The following RUNDC3B variants were observed in gnomAD, a reference collection of about 807,000 sequenced individuals.
RUNDC3B encodes RUN domain-containing protein 3B.
In RUNDC3B, 33 loss-of-function variants were observed where a neutral mutation model predicts 58.4. That is an observed-to-expected ratio of 0.56 (90% confidence interval 0.43 to 0.75). RUNDC3B has a LOEUF of 0.75. Ranked by LOEUF, RUNDC3B falls within the 30% of genes least tolerant of loss-of-function variation. The pLI is 0.00. For synonymous variants in RUNDC3B, 193 were observed against 195.2 expected, an observed-to-expected ratio of 0.99 and a Z score of 0.10; for missense variants, 501 against 535.7, an observed-to-expected ratio of 0.94 and a Z score of 0.64.
chr7:87,819,163 G>C (rs1240419744), intron 10 of RUNDC3B, among the ~76,000 whole-genome samples: 1 of 152,188 alleles, frequency 6.6e-6, no homozygotes. Flanking sequence ...TGATCAGCTA[G>C]TCCGACTGAT....
chr7:87,726,007 G>C (rs1367698568), intron 4 of RUNDC3B, among the ~76,000 whole-genome samples: 2 of 152,122 alleles, frequency 1.3e-5, no homozygotes, highest in African/African-American at 4.8e-5. Context: ...TGTCAGATGA[G>C]TAGATTGCAA....
At chr7:87,792,661 T>C (rs1214334324) in intron 8 of RUNDC3B, among the ~76,000 whole-genome samples, 1 of 151,952 alleles carries the variant, frequency 6.6e-6, no homozygotes, top group Non-Finnish European at 1.5e-5. Context: ...TTGAAACAAA[T>C]GTTAATGGAA....
intron 4 of RUNDC3B, among the ~76,000 whole-genome samples, chr7:87,731,252 G>T (rs189977532): frequency 6.6e-6 from 1 of 152,168 alleles, no homozygotes; most frequent in East Asian, 1.9e-4. Context: ...AGATGTCAGT[G>T]ACCAATTCCA....
At chr7:87,740,145 C>T (rs78364330) in intron 5 of RUNDC3B, among the ~76,000 whole-genome samples, 2,664 of 152,118 alleles carry the variant, frequency 0.018, 61 homozygotes, top group African/African-American at 0.06. Flanking sequence ...TCCCCAACAG[C>T]CCCCTCCCTA....
intron 7 of RUNDC3B, among the ~76,000 whole-genome samples, chr7:87,775,247 T>C (rs1020894745): frequency 6.6e-6 from 1 of 152,194 alleles, no homozygotes; most frequent in Non-Finnish European, 1.5e-5. Flanking sequence ...CCCTGTGTTG[T>C]AGGCCTAGGC....
intron 5 of RUNDC3B, among the ~76,000 whole-genome samples, chr7:87,740,096 T>C (rs983612623): frequency 1.3e-5 from 2 of 152,162 alleles, no homozygotes; most frequent in Admixed American, 6.5e-5. Flanking sequence ...AGGCTTGCTC[T>C]GTAGCTTGGA....
At chr7:87,677,586 C>T (rs1488993016) in intron 2 of RUNDC3B, among the ~76,000 whole-genome samples, 1 of 152,070 alleles carries the variant, frequency 6.6e-6, no homozygotes, top group Non-Finnish European at 1.5e-5. Context: ...TGATTAAGTG[C>T]TGGAGACCTA....
At chr7:87,811,770 G>A (rs902839246) in intron 9 of RUNDC3B, among the ~76,000 whole-genome samples, 2 of 152,100 alleles carry the variant, frequency 1.3e-5, no homozygotes, top group Non-Finnish European at 2.9e-5. Context: ...CTTGTAAACT[G>A]GGCATTGACA....
intron 2 of RUNDC3B, among the ~76,000 whole-genome samples, chr7:87,693,360 G>GT (rs397890485): frequency 6.6e-6 from 1 of 152,088 alleles, no homozygotes; most frequent in Non-Finnish European, 1.5e-5. Context: ...AAACATAAAA[G>GT]TTTTAACAAT....
rs746742284 is a variant in RUNDC3B at position 87,809,602 on chromosome 7, T to C, written c.1103+2083T>C. The stretch of plus-strand genomic sequence containing the variant: ...AATATTTATACTCTATAAAGTCTTA[T>C]GTTTCTACTCTAATGTAATCCTGTA... On this transcript the variant is annotated intron_variant, in intron 9 of 10. Coordinates refer to ENST00000394654, the MANE Select transcript of RUNDC3B (RefSeq NM_001134405.2). 6.6e-5 allele frequency among the ~76,000 whole-genome samples: 10 copies of C among 152,342 alleles called. 1 individual carries two copies. In the South Asian group the frequency reaches 1.9e-3, roughly 28 times the overall value.
intron 4 of RUNDC3B, among the ~76,000 whole-genome samples, chr7:87,732,476 C>T (rs558023218): frequency 1.4e-4 from 22 of 152,258 alleles, no homozygotes; most frequent in African/African-American, 5.1e-4. Flanking sequence ...TCATCACAAA[C>T]GGCACTTGGA....
At chr7:87,816,683 G>A (rs927604061) in intron 10 of RUNDC3B, among the ~76,000 whole-genome samples, 12 of 152,162 alleles carry the variant, frequency 7.9e-5, no homozygotes, top group Admixed American at 6.6e-4. Flanking sequence ...CTGGTTTATT[G>A]AGTATTTTAA....
intron 8 of RUNDC3B, among the ~76,000 whole-genome samples, chr7:87,802,780 G>A (rs1027580996): frequency 3.9e-5 from 6 of 152,026 alleles, no homozygotes; most frequent in Admixed American, 1.3e-4. Flanking sequence ...CTAGGTAGGC[G>A]CTCCACCTGA....
In RUNDC3B at chr7:87,674,920, G is replaced by T. The variant is rs530154471; in HGVS notation, c.238+23983G>T. Reference sequence around the variant, plus strand: ...GAGCATGGTAAGCCTTGGGGGAGGGGCATCCTTGGATGTGCTCCAGTGCAG... The same window carrying T: ...GAGCATGGTAAGCCTTGGGGGAGGGTCATCCTTGGATGTGCTCCAGTGCAG... On this transcript the variant is annotated intron_variant, in intron 2 of 10. Coordinates refer to ENST00000394654, the MANE Select transcript of RUNDC3B (RefSeq NM_001134405.2). Among the ~76,000 whole-genome samples the T allele has an allele frequency of 2.6e-5, 4 of 152,280 alleles. No homozygotes were observed. In the South Asian group the frequency reaches 8.3e-4, roughly 32 times the overall value.
At chr7:87,759,443 A>G (rs112096567) in intron 6 of RUNDC3B, among the ~76,000 whole-genome samples, 3,759 of 152,184 alleles carry the variant, frequency 0.025, 145 homozygotes, top group African/African-American at 0.085. Context: ...GTCAACAATA[A>G]TTTATTGTAT....
chr7:87,664,677 A>G (rs960585633), intron 2 of RUNDC3B, among the ~76,000 whole-genome samples: 1 of 152,160 alleles, frequency 6.6e-6, no homozygotes, highest in African/African-American at 2.4e-5. Flanking sequence ...ATGAATTTCA[A>G]AGTAAATCAA....
intron 10 of RUNDC3B, among the ~76,000 whole-genome samples, chr7:87,827,756 A>G (rs961892124): frequency 6.6e-6 from 1 of 152,176 alleles, no homozygotes; most frequent in East Asian, 1.9e-4. Flanking sequence ...TAAACAACAT[A>G]ATTACTAGGG....
At chr7:87,718,991 A>G (rs2130770031) in intron 4 of RUNDC3B, among the ~76,000 whole-genome samples, 1 of 152,200 alleles carries the variant, frequency 6.6e-6, no homozygotes, top group South Asian at 2.1e-4. Context: ...CTAAATTAAA[A>G]TAAAACAATT....
chr7:87,785,752 G>T (rs966874921), intron 8 of RUNDC3B, among the ~76,000 whole-genome samples: 3 of 152,150 alleles, frequency 2.0e-5, no homozygotes, highest in Non-Finnish European at 4.4e-5. Context: ...AGACTTAGGG[G>T]ATGGGAACCT....
Sources: gnomAD v4.1 joint callset for allele counts (sites outside exome capture counted in the v4.1 genomes callset) on GRCh38, gnomAD v4.1.1 for gene constraint, MANE v1.5 for transcripts, NCBI Gene and HGNC (gene_info 2026-07-23, HGNC 2026-07-21) for gene names.